Variants in SUGCT observed in about 807,000 individuals in gnomAD.
The protein encoded by SUGCT is succinyl-CoA:glutarate CoA-transferase.
SUGCT carries 41 observed loss-of-function variants against 55.0 expected under a neutral mutation model. That is an observed-to-expected ratio of 0.74 (90% CI 0.58 to 0.97). The LOEUF is 0.97. SUGCT is among the 50% of genes least tolerant of loss of function. The probability of loss-of-function intolerance (pLI) is 0.00; values close to 1 mark genes in which losing one functional copy is unlikely to be tolerated. For missense variants in SUGCT, 568 were observed against 547.8 expected, an observed-to-expected ratio of 1.04 and a Z score of -0.37; for synonymous variants, 187 against 200.4, an observed-to-expected ratio of 0.93 and a Z score of 0.56.
chr7:40,759,883 TAAAA>T (rs556979737), intron 13 of SUGCT, among the ~76,000 whole-genome samples: 23 of 147,026 alleles, frequency 1.6e-4, no homozygotes, highest in Middle Eastern at 3.4e-3. Flanking sequence ...GTGTTTCTAT[TAAAA>T]AAAAAAGCAG....
chr7:40,812,516 G>C (rs1791476297), intron 13 of SUGCT, among the ~76,000 whole-genome samples: 1 of 152,032 alleles, frequency 6.6e-6, no homozygotes, highest in African/African-American at 2.4e-5. Flanking sequence ...ACGCATAGAG[G>C]TGTGCATATT....
chr7:40,853,916 C>G (rs1421882348), intron 13 of SUGCT, among the ~76,000 whole-genome samples: 1 of 151,094 alleles, frequency 6.6e-6, no homozygotes, highest in Non-Finnish European at 1.5e-5. Flanking sequence ...ATTGAAGGCC[C>G]ATTAGCAAAC....
At chr7:40,800,792 T>C (rs562447642) in intron 13 of SUGCT, among the ~76,000 whole-genome samples, 2 of 152,300 alleles carry the variant, frequency 1.3e-5, no homozygotes, top group Non-Finnish European at 2.9e-5. Flanking sequence ...ATAATAATAA[T>C]CATAAAGTGT....
At chr7:40,937,444 G>A in the SUGCT span, among the ~76,000 whole-genome samples, 134,056 of 152,282 alleles carry the variant, frequency 0.88, 59,140 homozygotes, top group African/African-American at 0.93. Flanking sequence ...GGCATGAGCC[G>A]CTGCACCTGG....
chr7:40,998,783 C>T, the SUGCT span, among the ~76,000 whole-genome samples: 4 of 152,186 alleles, frequency 2.6e-5, no homozygotes, highest in East Asian at 5.8e-4. Flanking sequence ...TCTGTCTTCC[C>T]AGCCAAAGCA....
chr7:40,575,903 C>T (rs906307630), intron 12 of SUGCT, among the ~76,000 whole-genome samples: 9 of 148,758 alleles, frequency 6.1e-5, no homozygotes, highest in African/African-American at 2.2e-4. Flanking sequence ...GAGATTGTGC[C>T]ACTGCACTCC....
At chr7:40,291,354 A>T (rs1793743434) in intron 8 of SUGCT, among the ~76,000 whole-genome samples, 1 of 151,036 alleles carries the variant, frequency 6.6e-6, no homozygotes, top group Non-Finnish European at 1.5e-5. Context: ...TGTCCTTTGC[A>T]GGGACATGGA....
At chr7:41,013,017 AATATAT>A in the SUGCT span, among the ~76,000 whole-genome samples, 50,456 of 147,630 alleles carry the variant, frequency 0.34, 8,974 homozygotes, top group Admixed American at 0.47. Flanking sequence ...CTCTGATTTA[AATATAT>A]ATATATATAT....
At chr7:40,320,542 C>A (rs1795671529) in intron 9 of SUGCT, among the ~76,000 whole-genome samples, 1 of 152,170 alleles carries the variant, frequency 6.6e-6, no homozygotes, top group African/African-American at 2.4e-5. Flanking sequence ...ACATAGTTGT[C>A]AGTGGGGCCA....
the SUGCT span, among the ~76,000 whole-genome samples, chr7:40,968,739 G>GC: frequency 6.6e-6 from 1 of 152,166 alleles, no homozygotes; most frequent in Non-Finnish European, 1.5e-5. Flanking sequence ...AGTAACCAAG[G>GC]CTGGGGCACA....
chr7:40,686,044 C>G (rs1229695580), intron 12 of SUGCT, among the ~76,000 whole-genome samples: 2 of 152,202 alleles, frequency 1.3e-5, no homozygotes, highest in East Asian at 3.8e-4. Context: ...CATTCACACT[C>G]TCGTTCTCTG....
In SUGCT at chr7:40,682,434, CCTGGGGCTTGTGA is replaced by C. The variant is rs766821589; in HGVS notation, c.1090-66995_1090-66983del. 4.6e-5 allele frequency among the ~76,000 whole-genome samples: 7 copies of C among 152,316 alleles called. No individual in the cohort carries two copies. In the South Asian group the frequency reaches 1.4e-3, roughly 32 times the overall value. On this transcript the variant is annotated intron_variant, in intron 12 of 13. Transcript: ENST00000335693. ...AGTCAGTCAGAAGCACAGGTCACAA[CCTGGGGCTTGTGA>C]CTGGCATCTGAAGTGGGAAGCAGTA...
At chr7:40,187,059 G>A (rs1316615773) in intron 3 of SUGCT, among the ~76,000 whole-genome samples, 3 of 152,114 alleles carry the variant, frequency 2.0e-5, no homozygotes, top group Non-Finnish European at 4.4e-5. Flanking sequence ...TGATAGACTG[G>A]ATTAAGAAAA....
chr7:40,251,259 TA>T (rs1790381242), intron 7 of SUGCT, among the ~76,000 whole-genome samples: 2 of 152,356 alleles, frequency 1.3e-5, no homozygotes, highest in Middle Eastern at 3.4e-3. Context: ...TGCTGCTAAT[TA>T]ACTACTTGTA....
At chr7:40,864,023 G>C (rs1055010914), downstream of SUGCT, among the ~76,000 whole-genome samples, 3 of 152,174 alleles carry the variant, frequency 2.0e-5, no homozygotes, top group African/African-American at 7.2e-5. Flanking sequence ...TCTCAGGCAT[G>C]AAGTACAATT....
intron 12 of SUGCT, among the ~76,000 whole-genome samples, chr7:40,687,660 C>T (rs558048506): frequency 1.3e-5 from 2 of 152,144 alleles, no homozygotes; most frequent in Non-Finnish European, 2.9e-5. Context: ...AACACCATAC[C>T]GTTATAGCCC....
At chr7:40,657,431 G>T (rs956885665) in intron 12 of SUGCT, among the ~76,000 whole-genome samples, 1 of 152,228 alleles carries the variant, frequency 6.6e-6, no homozygotes, top group South Asian at 2.1e-4. Context: ...TCTGTTTTAA[G>T]TGTCTTTCAG....
chr7:40,711,268 T>C (rs1057123474), intron 12 of SUGCT, among the ~76,000 whole-genome samples: 6 of 152,166 alleles, frequency 3.9e-5, no homozygotes, highest in African/African-American at 1.4e-4. Flanking sequence ...TCCCAGCACT[T>C]TGGGACGCTG....
intron 9 of SUGCT, among the ~76,000 whole-genome samples, chr7:40,414,705 G>A (rs60915659): frequency 0.017 from 2,547 of 151,976 alleles, 69 homozygotes; most frequent in African/African-American, 0.058. Flanking sequence ...TCAGGAGTTC[G>A]AGACCAGCCT....
Sources: allele counts gnomAD v4.1 joint callset (sites outside exome capture counted in the v4.1 genomes callset), GRCh38; gene constraint gnomAD v4.1.1; transcripts MANE v1.5; gene names NCBI Gene and HGNC (gene_info 2026-07-23, HGNC 2026-07-21).